The following WWC2 variants were observed in gnomAD, a reference collection of about 807,000 sequenced individuals.
WWC2 encodes the protein protein WWC2.
Under a neutral mutation model 138.5 loss-of-function variants are expected in WWC2, and 101 were observed. The ratio of observed to expected loss-of-function variants is 0.73; its 90% CI spans 0.62 to 0.86. The LOEUF (loss-of-function observed/expected upper bound fraction) is 0.86. Among genes scored for constraint, WWC2 ranks in the 40% least tolerant of loss-of-function variants. The pLI, the probability that WWC2 is intolerant of heterozygous loss-of-function variation, is 0.00. For synonymous variants in WWC2, 558 were observed against 538.4 expected (o/e 1.04, Z -0.50); for missense variants, 1,420 against 1,419.4 (o/e 1.00, Z -0.01).
intron 1 of WWC2, among the ~76,000 whole-genome samples, chr4:183,154,002 C>CAAAAAAAAAAA (rs35002790): frequency 1.1e-3 from 76 of 71,644 alleles, no homozygotes; most frequent in African/African-American, 4.0e-3. Context: ...CTTTAAAAAG[C>CAAAAAAAAAAA]AAAAAAAAAA....
intron 1 of WWC2, among the ~76,000 whole-genome samples, chr4:183,184,957 T>C (rs770677019): frequency 1.2e-4 from 18 of 152,066 alleles, no homozygotes; most frequent in Non-Finnish European, 1.6e-4. Context: ...TGTAAAGCCT[T>C]CAGGTTTATT....
intron 20 of WWC2, among the ~76,000 whole-genome samples, chr4:183,287,826 G>T (rs528924600): frequency 6.6e-6 from 1 of 152,262 alleles, no homozygotes; most frequent in African/African-American, 2.4e-5. Flanking sequence ...AATTGTGCTC[G>T]TCTCTTGCCA....
chr4:183,149,201 C>A (rs1302429650), intron 1 of WWC2, among the ~76,000 whole-genome samples: 1 of 152,208 alleles, frequency 6.6e-6, no homozygotes, highest in Non-Finnish European at 1.5e-5. Flanking sequence ...CCCCAGAAGC[C>A]TTTTACAGTC....
At chr4:183,143,075 T>C (rs1733349343) in intron 1 of WWC2, among the ~76,000 whole-genome samples, 1 of 152,234 alleles carries the variant, frequency 6.6e-6, no homozygotes, top group Admixed American at 6.5e-5. Flanking sequence ...CATGTTTATT[T>C]GGCTTTGGAA....
chr4:183,183,267 C>A (rs1734691729), intron 1 of WWC2, among the ~76,000 whole-genome samples: 1 of 152,138 alleles, frequency 6.6e-6, no homozygotes, highest in African/African-American at 2.4e-5. Context: ...TCTTGCCGCA[C>A]CTATCACCCA....
chr4:183,263,940 C>T (rs1178552487), intron 11 of WWC2, among the ~76,000 whole-genome samples: 2 of 152,118 alleles, frequency 1.3e-5, no homozygotes, highest in African/African-American at 4.8e-5. Flanking sequence ...AGTGCCAGTC[C>T]CTGCTGGATG....
At chr4:183,254,948 T>C (rs1240634696) in intron 9 of WWC2, among the ~76,000 whole-genome samples, 2 of 152,124 alleles carry the variant, frequency 1.3e-5, no homozygotes, top group East Asian at 1.9e-4. Context: ...CTACATAATA[T>C]CAAAACATTT....
At chr4:183,286,923 A>G (rs960940966) in intron 20 of WWC2, among the ~76,000 whole-genome samples, 1 of 152,186 alleles carries the variant, frequency 6.6e-6, no homozygotes, top group Non-Finnish European at 1.5e-5. Context: ...TACAATTTCA[A>G]AAAGAAAATG....
chr4:183,234,101 T>C (rs779837863), intron 4 of WWC2, among the ~76,000 whole-genome samples: 1 of 152,236 alleles, frequency 6.6e-6, no homozygotes. Context: ...CATTGTCATC[T>C]TCTTTCCCCT....
chr4:183,179,147 G>C (rs73004960), intron 1 of WWC2, among the ~76,000 whole-genome samples: 2,662 of 152,202 alleles, frequency 0.017, 84 homozygotes, highest in African/African-American at 0.06. Context: ...ACTTCAGAAC[G>C]ATGTGCACAG....
chr4:183,270,693 G>C (rs1219600055), intron 15 of WWC2, among the ~76,000 whole-genome samples: 1 of 152,142 alleles, frequency 6.6e-6, no homozygotes, highest in Non-Finnish European at 1.5e-5. Flanking sequence ...GAACCCAGGA[G>C]GTGGAGGTTG....
At chr4:183,156,049 C>T (rs193019718) in intron 1 of WWC2, among the ~76,000 whole-genome samples, 90 of 151,342 alleles carry the variant, frequency 5.9e-4, no homozygotes, top group East Asian at 4.7e-3. Flanking sequence ...TTTTTTGAGA[C>T]GGAATCTTGC....
intron 1 of WWC2, among the ~76,000 whole-genome samples, chr4:183,178,783 G>T: frequency 6.6e-6 from 1 of 152,240 alleles, no homozygotes; most frequent in South Asian, 2.1e-4. Flanking sequence ...GCTTCAGGGC[G>T]CATAATCGAG....
chr4:183,182,341 A>C (rs1009172991), intron 1 of WWC2, among the ~76,000 whole-genome samples: 3 of 152,210 alleles, frequency 2.0e-5, no homozygotes, highest in Admixed American at 6.5e-5. Context: ...CCACCATGAA[A>C]TTGACTGGCT....
intron 15 of WWC2, chr4:183,269,886 A>G: frequency 6.2e-6 from 1 of 161,026 alleles, no homozygotes; most frequent in Non-Finnish European, 1.4e-5. Flanking sequence ...AATAACCAGA[A>G]AACCATTATG....
At chr4:183,252,518 T>G (rs1580111923) in intron 8 of WWC2, among the ~76,000 whole-genome samples, 1 of 152,176 alleles carries the variant, frequency 6.6e-6, no homozygotes. Context: ...AAGAGAAATC[T>G]GGGGTCAGGC....
At chr4:183,179,984 C>T (rs948961091) in intron 1 of WWC2, among the ~76,000 whole-genome samples, 2 of 152,152 alleles carry the variant, frequency 1.3e-5, no homozygotes, top group Non-Finnish European at 2.9e-5. Context: ...CAGAGCTTAA[C>T]AATGTCACTA....
chr4:183,145,679 T>G (rs1161730043), intron 1 of WWC2, among the ~76,000 whole-genome samples: 1 of 152,198 alleles, frequency 6.6e-6, no homozygotes, highest in Non-Finnish European at 1.5e-5. Flanking sequence ...ACTGACAGAC[T>G]TAAAAACATC....
intron 2 of WWC2, among the ~76,000 whole-genome samples, chr4:183,203,871 C>CGTAT (rs1560841309): frequency 6.6e-6 from 1 of 152,136 alleles, no homozygotes; most frequent in African/African-American, 2.4e-5. Flanking sequence ...CTTGCCCATA[C>CGTAT]ACACAGTGTT....
Sources: allele counts gnomAD v4.1 joint callset (sites outside exome capture counted in the v4.1 genomes callset), GRCh38; gene constraint gnomAD v4.1.1; transcripts MANE v1.5; gene names NCBI Gene and HGNC (gene_info 2026-07-23, HGNC 2026-07-21).